Variants in LRBA observed in about 807,000 individuals in gnomAD.
LRBA encodes the protein lipopolysaccharide-responsive and beige-like anchor protein.
LRBA carries 176 observed loss-of-function variants against 330.0 expected under a neutral mutation model. The ratio of observed to expected loss-of-function variants is 0.53; its 90% confidence interval spans 0.47 to 0.60. The LOEUF is 0.60. Ranked by LOEUF, LRBA falls within the 20% of genes least tolerant of loss-of-function variation. The pLI is 0.00. For missense variants in LRBA, 3,259 were observed against 3,444.8 expected (o/e 0.95, Z 1.35); for synonymous variants, 1,230 against 1,193.0 (o/e 1.03, Z -0.64).
At chr4:150,468,756 G>C (rs1000010980) in intron 43 of LRBA, among the ~76,000 whole-genome samples, 1 of 151,598 alleles carries the variant, frequency 6.6e-6, no homozygotes, top group Non-Finnish European at 1.5e-5. Context: ...ATATACTGAT[G>C]TTATATCAAT....
At chr4:151,001,957 T>G (rs992777666) in intron 2 of LRBA, among the ~76,000 whole-genome samples, 3 of 151,396 alleles carry the variant, frequency 2.0e-5, no homozygotes, top group Non-Finnish European at 4.4e-5. Flanking sequence ...GTCCGAACCC[T>G]AAGGCCCCCA....
chr4:150,513,413 G>A (rs1762029695), intron 40 of LRBA, among the ~76,000 whole-genome samples: 1 of 152,132 alleles, frequency 6.6e-6, no homozygotes, highest in Admixed American at 6.5e-5. Flanking sequence ...AAAATTTTAG[G>A]TTCTCTACAG....
intron 40 of LRBA, among the ~76,000 whole-genome samples, chr4:150,567,266 G>A (rs538341972): frequency 1.8e-4 from 27 of 152,070 alleles, no homozygotes; most frequent in African/African-American, 3.1e-4. Flanking sequence ...TGATCATGTC[G>A]CAACATTTCA....
intron 37 of LRBA, among the ~76,000 whole-genome samples, chr4:150,611,832 A>G (rs747618975): frequency 6.6e-6 from 1 of 152,208 alleles, no homozygotes; most frequent in Non-Finnish European, 1.5e-5. Flanking sequence ...ATAAGCATCT[A>G]CATGAAGCAA....
intron 17 of LRBA, among the ~76,000 whole-genome samples, chr4:150,884,965 T>C (rs958989203): frequency 7.9e-5 from 12 of 151,830 alleles, no homozygotes; most frequent in Non-Finnish European, 1.6e-4. Flanking sequence ...CAAAAAAGTA[T>C]AAAAAGACCA....
chr4:150,537,065 A>G (rs893041524), intron 40 of LRBA, among the ~76,000 whole-genome samples: 1 of 152,370 alleles, frequency 6.6e-6, no homozygotes, highest in South Asian at 2.1e-4. Context: ...GTTTCACATT[A>G]CCTGACTTCA....
chr4:150,346,699 C>T (rs1736359644), intron 48 of LRBA, among the ~76,000 whole-genome samples: 1 of 127,160 alleles, frequency 7.9e-6, no homozygotes. Flanking sequence ...GCGGAGGTTG[C>T]AGTGAGCCAA....
At chr4:150,688,816 G>A (rs1400439680) in intron 36 of LRBA, among the ~76,000 whole-genome samples, 1 of 152,200 alleles carries the variant, frequency 6.6e-6, no homozygotes. Context: ...TGCTGGAAAG[G>A]ATGTGGAGAA....
chr4:150,854,212 T>C (rs1750954092), intron 22 of LRBA, among the ~76,000 whole-genome samples: 1 of 152,236 alleles, frequency 6.6e-6, no homozygotes, highest in African/African-American at 2.4e-5. Context: ...TGAATATTTG[T>C]ATTTTTCCTA....
intron 33 of LRBA, among the ~76,000 whole-genome samples, chr4:150,801,340 T>C (rs553379031): frequency 6.6e-6 from 1 of 152,362 alleles, no homozygotes; most frequent in African/African-American, 2.4e-5. Flanking sequence ...ACATGTTTAA[T>C]AGGCTCTAGC....
intron 36 of LRBA, among the ~76,000 whole-genome samples, chr4:150,712,481 T>C (rs980939665): frequency 3.3e-5 from 5 of 152,172 alleles, no homozygotes; most frequent in Admixed American, 3.3e-4. Context: ...ACCCTTTAGC[T>C]GTCTAAAGGA....
intron 47 of LRBA, among the ~76,000 whole-genome samples, chr4:150,368,005 T>C (rs1490036671): frequency 1.3e-5 from 2 of 152,206 alleles, no homozygotes; most frequent in Non-Finnish European, 2.9e-5. Flanking sequence ...AGTATATTAC[T>C]GTATTTTTAA....
rs1264325641 is a variant in LRBA, at chr4:150,301,605, G to T, written c.8017+1020C>A. Among the ~76,000 whole-genome samples, 3 of 151,912 alleles carry T rather than the reference G, an allele frequency of 2.0e-5. No individual in the cohort carries two copies. The East Asian group carries it at 5.8e-4, about 29-fold the overall frequency. ...ATTTGACTAAATGTTTTGAAAAAAAGGTTCATTTTCATACAAATATTATAC... is the reference window on the plus strand; with the variant it reads ...ATTTGACTAAATGTTTTGAAAAAAATGTTCATTTTCATACAAATATTATAC... On this transcript the variant is annotated intron_variant, in intron 53 of 56. Transcript: ENST00000651943.
chr4:150,482,988 T>G (rs897525509), intron 42 of LRBA, among the ~76,000 whole-genome samples: 1 of 152,016 alleles, frequency 6.6e-6, no homozygotes, highest in African/African-American at 2.4e-5. Flanking sequence ...TTCTTAAGAG[T>G]TGGCATTTCA....
intron 2 of LRBA, among the ~76,000 whole-genome samples, chr4:151,003,409 A>C (rs917688911): frequency 3.3e-5 from 5 of 151,944 alleles, no homozygotes; most frequent in Non-Finnish European, 7.4e-5. Context: ...AAAAAAAAAA[A>C]AAAACAAAAT....
intron 37 of LRBA, among the ~76,000 whole-genome samples, chr4:150,647,292 G>A (rs1779234449): frequency 6.9e-6 from 1 of 145,878 alleles, no homozygotes; most frequent in Non-Finnish European, 1.5e-5. Flanking sequence ...AATGCTTTAT[G>A]ACTAAAGATA....
At chr4:150,437,967 G>A (rs552500306) in intron 44 of LRBA, among the ~76,000 whole-genome samples, 1 of 152,316 alleles carries the variant, frequency 6.6e-6, no homozygotes, top group South Asian at 2.1e-4. Context: ...GCAAAATTCT[G>A]TGTGATCAAG....
chr4:150,946,261 C>G (rs1042075344), intron 2 of LRBA, among the ~76,000 whole-genome samples: 1 of 152,156 alleles, frequency 6.6e-6, no homozygotes, highest in East Asian at 1.9e-4. Context: ...AACTCAATAA[C>G]ACTATCAACA....
At chr4:150,468,548 G>C (rs1345883734) in intron 43 of LRBA, among the ~76,000 whole-genome samples, 1 of 152,010 alleles carries the variant, frequency 6.6e-6, no homozygotes, top group Non-Finnish European at 1.5e-5. Flanking sequence ...AGGTAGCATA[G>C]TGGGTGAGAT....
Sources: allele counts gnomAD v4.1 joint callset (sites outside exome capture counted in the v4.1 genomes callset), GRCh38; gene constraint gnomAD v4.1.1; transcripts MANE v1.5; gene names NCBI Gene and HGNC (gene_info 2026-07-23, HGNC 2026-07-21).